Variants in SLCO3A1 observed in about 807,000 individuals in gnomAD.
SLCO3A1 encodes the protein solute carrier organic anion transporter family member 3A1.
A neutral mutation model predicts 63.1 loss-of-function variants in SLCO3A1; 27 were observed. That is an observed-to-expected ratio of 0.43 (90% confidence interval 0.32 to 0.59). The LOEUF is 0.59. Among genes scored for constraint, SLCO3A1 ranks in the 20% least tolerant of loss-of-function variants. The pLI, the probability that SLCO3A1 is intolerant of heterozygous loss-of-function variation, is 0.09. For synonymous variants in SLCO3A1, 473 were observed against 409.9 expected (o/e 1.15, Z -1.86); for missense variants, 773 against 945.8 (o/e 0.82, Z 2.40).
rs182027776 is a variant in SLCO3A1, at chr15:91,998,104, C to T, written c.646+81646C>T. Among the ~76,000 whole-genome samples the T allele has an allele frequency of 2.8e-3, 421 of 152,328 alleles. 5 individuals carry two copies. Among genetic ancestry groups the T allele is most frequent in the African/African-American group, 9.5e-3 (396 of 41,584 alleles). ...TTCAAACTATGCATTCGACAAAGGT[C>T]TGTTATCCAAAATTAATAAGAAACT... On this transcript the variant is annotated intron_variant, in intron 2 of 9. Coordinates refer to ENST00000318445, the MANE Select transcript of SLCO3A1 (RefSeq NM_013272.4).
intron 2 of SLCO3A1, among the ~76,000 whole-genome samples, chr15:92,041,204 G>C (rs35343645): frequency 0.013 from 2,027 of 152,286 alleles, 27 homozygotes; most frequent in Non-Finnish European, 0.02. Context: ...TTCCTAAGAT[G>C]AATGACAGTG....
intron 2 of SLCO3A1, among the ~76,000 whole-genome samples, chr15:91,943,598 C>T (rs574979082): frequency 2.6e-5 from 4 of 152,108 alleles, no homozygotes; most frequent in Non-Finnish European, 5.9e-5. Flanking sequence ...TTGCTTACAC[C>T]CAGAAATGGA....
chr15:92,070,042 T>C (rs1264009875), intron 2 of SLCO3A1, among the ~76,000 whole-genome samples: 1 of 152,192 alleles, frequency 6.6e-6, no homozygotes. Flanking sequence ...ATCAGGCTCG[T>C]TCAGAACCGA....
At chr15:92,077,113 G>A (rs1406752919) in intron 2 of SLCO3A1, among the ~76,000 whole-genome samples, 4 of 152,124 alleles carry the variant, frequency 2.6e-5, no homozygotes, top group Non-Finnish European at 5.9e-5. Flanking sequence ...CAGAACTCGT[G>A]AGAACTCCCT....
chr15:91,905,875 C>T (rs781610999), intron 1 of SLCO3A1, among the ~76,000 whole-genome samples: 3 of 151,958 alleles, frequency 2.0e-5, no homozygotes, highest in Non-Finnish European at 4.4e-5. Context: ...CAAGTTTGGT[C>T]ACCAATTTGC....
chr15:91,916,164 C>T lies in SLCO3A1; in HGVS notation c.352C>T (p.Leu118=). ...LIGCGGIVMA[L]GALLSALPEF... is the part of the protein sequence containing the mutation. ...CGGCTGCGGCGGCATCGTCATGGCG[C>T]TGGGCGCGCTGCTGTCGGCGCTGCC... Residue 118 remains leucine (L), a synonymous_variant, in exon 2 of 10, where the codon CTG becomes TTG. Transcript: ENST00000318445. The surrounding 1 kb of genome is among the most constrained non-coding windows in gnomAD (Gnocchi z 6.2). 1.2e-6 allele frequency: 2 copies of T among 1,605,182 alleles called. No individual in the cohort carries two copies. Among genetic ancestry groups the T allele is most frequent in the Non-Finnish European group, 1.7e-6 (2 of 1,177,824 alleles).
chr15:91,978,097 A>G (rs912804375), intron 2 of SLCO3A1, among the ~76,000 whole-genome samples: 3 of 152,180 alleles, frequency 2.0e-5, no homozygotes, highest in African/African-American at 4.8e-5. Context: ...GTTTTCTCCC[A>G]TCACCCATTT....
At chr15:91,956,188 G>A (rs981641215) in intron 2 of SLCO3A1, among the ~76,000 whole-genome samples, 1 of 152,170 alleles carries the variant, frequency 6.6e-6, no homozygotes, top group Non-Finnish European at 1.5e-5. Flanking sequence ...CTGACTTCCT[G>A]CTGAGGCTGG....
At position 92,140,789 on chromosome 15, in the gene SLCO3A1, C is replaced by T. The variant is rs149620519; in HGVS notation, c.1513-6195C>T. Reference sequence around the variant, plus strand: ...GGTTTAAAGTCTGTTTTATCAGAGACTAAGATTGCAACCTCTGCCTTTTTT... The same window carrying T: ...GGTTTAAAGTCTGTTTTATCAGAGATTAAGATTGCAACCTCTGCCTTTTTT... On this transcript the variant is annotated intron_variant, in intron 7 of 9. Transcript: ENST00000318445. Among the ~76,000 whole-genome samples the T allele has an allele frequency of 1.2e-4, 19 of 152,292 alleles. No individual in the cohort carries two copies. The East Asian group carries it at 3.3e-3, about 26-fold the overall frequency.
At chr15:91,907,232 A>G (rs1210603849) in intron 1 of SLCO3A1, among the ~76,000 whole-genome samples, 1 of 151,976 alleles carries the variant, frequency 6.6e-6, no homozygotes, top group Non-Finnish European at 1.5e-5. Context: ...TTTGAGATGG[A>G]GTCTCACTCT....
intron 9 of SLCO3A1, among the ~76,000 whole-genome samples, chr15:92,152,228 A>G (rs2048315225): frequency 6.6e-6 from 1 of 152,254 alleles, no homozygotes; most frequent in Non-Finnish European, 1.5e-5. Context: ...TGAAAGAAAA[A>G]TATTAACCTT....
rs1299619539 is a variant in SLCO3A1, at chr15:92,132,593, CT to C, written c.1512+4108del. Among the ~76,000 whole-genome samples the C allele has an allele frequency of 1.6e-5, 2 of 125,486 alleles. 1 individual carries two copies. The highest frequency in any genetic ancestry group is 1.7e-4 in the Admixed American group (2 of 12,080). The allele number at this position is 125,486 out of a possible 152,430, so 82.3% of individuals were successfully genotyped here. On this transcript the variant is annotated intron_variant, in intron 7 of 9. Transcript: ENST00000318445. ...TGGACTGATGGCTGTAAGTTGTATC[CT>C]TTTGATGTACTAAATAATTGAATAG... is the stretch of plus-strand genomic sequence containing the variant.
chr15:92,059,423 G>C (rs997244885), intron 2 of SLCO3A1, among the ~76,000 whole-genome samples: 2 of 152,158 alleles, frequency 1.3e-5, no homozygotes, highest in African/African-American at 4.8e-5. Flanking sequence ...CCATCCTCAG[G>C]AGTGTCACAT....
chr15:92,127,849 G>A (rs1371679300), intron 6 of SLCO3A1, among the ~76,000 whole-genome samples: 2 of 152,132 alleles, frequency 1.3e-5, no homozygotes, highest in Non-Finnish European at 1.5e-5. Flanking sequence ...TGACTGTAGG[G>A]GAGGAATAAA....
Position 91,923,376 on chromosome 15 carries a change from C to T in SLCO3A1, c.646+6918C>T, listed in dbSNP as rs141266234. 2.5e-4 allele frequency among the ~76,000 whole-genome samples: 38 copies of T among 152,332 alleles called. No homozygotes were observed. The East Asian group carries it at 7.3e-3, about 29-fold the overall frequency. On this transcript the variant is annotated intron_variant, in intron 2 of 9. Transcript: ENST00000318445. The stretch of plus-strand genomic sequence containing the variant: ...CTGGGATGTGATCCATCTTATAGAG[C>T]TGAGAATAGCAACCTCTTCAGTCCT...
chr15:92,083,240 A>G (rs180670793), intron 2 of SLCO3A1, among the ~76,000 whole-genome samples: 85 of 152,352 alleles, frequency 5.6e-4, no homozygotes, highest in Admixed American at 3.9e-3. Flanking sequence ...ATTCCTCTAA[A>G]GAAAACCTCA....
chr15:91,925,680 A>G (rs868173268), intron 2 of SLCO3A1, among the ~76,000 whole-genome samples: 1 of 152,166 alleles, frequency 6.6e-6, no homozygotes, highest in African/African-American at 2.4e-5. Context: ...GAAATGGACC[A>G]TCTTCTCTTG....
At position 92,038,429 on chromosome 15, in the gene SLCO3A1, A is replaced by C. The variant is rs770929154; in HGVS notation, c.647-56452A>C. ...TCTCAGGATACAAAATCAATGTGCA[A>C]AAATCACAAGCAATCCTATACGCCA... On this transcript the variant is annotated intron_variant, in intron 2 of 9. Transcript: ENST00000318445. Among the ~76,000 whole-genome samples, 3 of 152,212 alleles carry C rather than the reference A, an allele frequency of 2.0e-5. No homozygotes were observed. The South Asian group carries it at 6.2e-4, about 31-fold the overall frequency.
intron 2 of SLCO3A1, among the ~76,000 whole-genome samples, chr15:91,965,901 T>G (rs1900642190): frequency 6.6e-6 from 1 of 152,132 alleles, no homozygotes; most frequent in Non-Finnish European, 1.5e-5. Context: ...TTCCAGCTCC[T>G]TGCTTTCATT....
Sources: allele counts gnomAD v4.1 joint callset (sites outside exome capture counted in the v4.1 genomes callset), GRCh38; gene constraint gnomAD v4.1.1; non-coding constraint Gnocchi (gnomAD v3.1); transcripts MANE v1.5; gene names NCBI Gene and HGNC (gene_info 2026-07-23, HGNC 2026-07-21).